LRMDA: variants seen among roughly 807,000 people sequenced by gnomAD.
LRMDA encodes the protein leucine-rich melanocyte differentiation-associated protein.
LRMDA carries 18 observed loss-of-function variants against 29.8 expected under a neutral mutation model. The ratio of observed to expected loss-of-function variants is 0.60; its 90% CI spans 0.42 to 0.90. The LOEUF (loss-of-function observed/expected upper bound fraction) is 0.90. LRMDA is among the 40% of genes least tolerant of loss of function. The pLI, the probability that LRMDA is intolerant of heterozygous loss-of-function variation, is 0.00. For missense variants in LRMDA, 273 were observed against 273.9 expected, an observed-to-expected ratio of 1.00 and a Z score of 0.02; for synonymous variants, 125 against 109.4, an observed-to-expected ratio of 1.14 and a Z score of -0.89.
intron 5 of LRMDA, among the ~76,000 whole-genome samples, chr10:76,113,855 G>A (rs1564656310): frequency 6.6e-6 from 1 of 152,212 alleles, no homozygotes; most frequent in Non-Finnish European, 1.5e-5. Flanking sequence ...GGGGTGCAAA[G>A]TTCACAGAGC....
rs146675911 is a variant in LRMDA, at chr10:75,862,051, G to A, written c.132-173957G>A. Reference sequence around the variant, plus strand: ...CACTATCTGACAACAAATACATGAGGGGCCTCAAATGAGACCAGTAGAAGA... The same window carrying A: ...CACTATCTGACAACAAATACATGAGAGGCCTCAAATGAGACCAGTAGAAGA... On this transcript the variant is annotated intron_variant, in intron 2 of 6. Coordinates refer to ENST00000611255, the MANE Select transcript of LRMDA (RefSeq NM_001305581.2). Among the ~76,000 whole-genome samples, 83 of 152,094 alleles carry A rather than the reference G, an allele frequency of 5.5e-4. 1 individual carries two copies. The Middle Eastern group carries it at 0.01, about 19-fold the overall frequency.
chr10:76,151,010 C>G (rs925161506), intron 5 of LRMDA, among the ~76,000 whole-genome samples: 1 of 152,074 alleles, frequency 6.6e-6, no homozygotes, highest in Non-Finnish European at 1.5e-5. Flanking sequence ...AAGACCCAGC[C>G]GGGCAGCAGA....
At chr10:75,659,831 T>TGGAA (rs1841727288) in intron 2 of LRMDA, among the ~76,000 whole-genome samples, 1 of 152,134 alleles carries the variant, frequency 6.6e-6, no homozygotes, top group Non-Finnish European at 1.5e-5. Context: ...CTTTCTTTCT[T>TGGAA]TTTCTCCATC....
At chr10:76,171,956 A>C (rs921375203) in intron 5 of LRMDA, among the ~76,000 whole-genome samples, 5 of 152,166 alleles carry the variant, frequency 3.3e-5, no homozygotes, top group African/African-American at 1.2e-4. Flanking sequence ...GGGCAGCTGC[A>C]TCTAGTGAAG....
At chr10:75,843,286 G>A (rs970033898) in intron 2 of LRMDA, among the ~76,000 whole-genome samples, 2 of 152,148 alleles carry the variant, frequency 1.3e-5, no homozygotes, top group South Asian at 2.1e-4. Context: ...CAATGCATAC[G>A]GTTTCCTGAA....
At chr10:76,128,883 T>C (rs1849935087) in intron 5 of LRMDA, among the ~76,000 whole-genome samples, 1 of 152,212 alleles carries the variant, frequency 6.6e-6, no homozygotes, top group African/African-American at 2.4e-5. Flanking sequence ...GAGGACCTCC[T>C]GGCTGTGTTC....
chr10:76,281,906 T>C (rs1840211093), intron 5 of LRMDA, among the ~76,000 whole-genome samples: 1 of 152,290 alleles, frequency 6.6e-6, no homozygotes, highest in South Asian at 2.1e-4. Flanking sequence ...AGCACAGGAA[T>C]TTAATGCAAT....
intron 6 of LRMDA, among the ~76,000 whole-genome samples, chr10:76,419,719 A>G (rs1280716941): frequency 6.6e-6 from 1 of 151,998 alleles, no homozygotes; most frequent in Admixed American, 6.6e-5. Flanking sequence ...CCACCTGTAT[A>G]TCTTCTTTGA....
intron 2 of LRMDA, among the ~76,000 whole-genome samples, chr10:75,688,613 GT>G (rs1842109740): frequency 6.6e-6 from 1 of 152,252 alleles, no homozygotes. Flanking sequence ...AACAAACTTA[GT>G]TGAAAAAGCA....
At chr10:76,189,588 T>C (rs1898089) in intron 5 of LRMDA, among the ~76,000 whole-genome samples, 28,268 of 152,170 alleles carry the variant, frequency 0.19, 5,171 homozygotes, top group African/African-American at 0.48. Flanking sequence ...CATGATCTAA[T>C]GTTGACACTG....
chr10:76,330,566 T>C (rs1487481332), intron 6 of LRMDA, among the ~76,000 whole-genome samples: 1 of 152,094 alleles, frequency 6.6e-6, no homozygotes, highest in Admixed American at 6.5e-5. Flanking sequence ...ATGACCCCAC[T>C]TAGGGAAGAG....
At chr10:76,422,480 T>G (rs921811839) in intron 6 of LRMDA, among the ~76,000 whole-genome samples, 2 of 152,154 alleles carry the variant, frequency 1.3e-5, no homozygotes, top group African/African-American at 4.8e-5. Flanking sequence ...AATTTGAGGC[T>G]AAATCATCCA....
intron 2 of LRMDA, among the ~76,000 whole-genome samples, chr10:75,456,111 G>A (rs909828898): frequency 6.6e-6 from 1 of 152,352 alleles, no homozygotes; most frequent in African/African-American, 2.4e-5. Context: ...CTCAAGGTAT[G>A]GGTTCTCCCA....
At chr10:75,682,448 T>TGA (rs1440034317) in intron 2 of LRMDA, among the ~76,000 whole-genome samples, 2 of 150,736 alleles carry the variant, frequency 1.3e-5, no homozygotes, top group African/African-American at 2.5e-5. Flanking sequence ...TGTGTGTGTG[T>TGA]GAGACAGACA....
At chr10:75,815,258 A>C (rs1171866974) in intron 2 of LRMDA, among the ~76,000 whole-genome samples, 1 of 152,246 alleles carries the variant, frequency 6.6e-6, no homozygotes, top group East Asian at 1.9e-4. Flanking sequence ...ACATAAAGAT[A>C]CCAGAGTTAT....
In LRMDA at chr10:75,542,924, T is replaced by G. The variant is rs558331540; in HGVS notation, c.131+104430T>G. Among the ~76,000 whole-genome samples, 19 of 152,340 alleles carry G rather than the reference T, an allele frequency of 1.2e-4. 2 individuals are homozygous for G. The highest frequency in any genetic ancestry group is 4.3e-4 in the African/African-American group (18 of 41,598). On this transcript the variant is annotated intron_variant, in intron 2 of 6. Transcript: ENST00000611255. ...CGCAGCCTGCCTGTGTGCTGTGAAA[T>G]TTTAATTGAATTGTTAATGACACCG...
chr10:75,749,132 T>C (rs1564557200), intron 2 of LRMDA, among the ~76,000 whole-genome samples: 5 of 152,336 alleles, frequency 3.3e-5, no homozygotes, highest in South Asian at 2.1e-4. Flanking sequence ...GATGATGTCC[T>C]TTACGATGAT....
At chr10:75,438,084 T>G (rs937659515) in intron 1 of LRMDA, among the ~76,000 whole-genome samples, 8 of 152,140 alleles carry the variant, frequency 5.3e-5, no homozygotes, top group African/African-American at 1.7e-4. Flanking sequence ...ATTGTTGCGG[T>G]TATATCAATG....
chr10:75,876,285 G>A (rs1338846427), intron 2 of LRMDA, among the ~76,000 whole-genome samples: 3 of 152,188 alleles, frequency 2.0e-5, no homozygotes, highest in Non-Finnish European at 4.4e-5. Flanking sequence ...ATTTTAAGCA[G>A]GAAGTGATAT....
Sources: gnomAD v4.1 joint callset for allele counts (sites outside exome capture counted in the v4.1 genomes callset) on GRCh38, gnomAD v4.1.1 for gene constraint, MANE v1.5 for transcripts, NCBI Gene and HGNC (gene_info 2026-07-23, HGNC 2026-07-21) for gene names.